Variants in ATRX observed in about 807,000 individuals in gnomAD.
The protein encoded by ATRX is chromatin remodeler ATRX.
ATRX carries 12 observed loss-of-function variants against 172.6 expected under a neutral mutation model. The observed-to-expected ratio is 0.07, with a 90% CI of 0.04 to 0.11. The LOEUF is 0.11. ATRX is among the 10% of genes least tolerant of loss of function. ATRX has a pLI of 1.00. For missense variants in ATRX, 1,368 were observed against 1,767.4 expected, an observed-to-expected ratio of 0.77 and a Z score of 4.05; for synonymous variants, 674 against 594.7, an observed-to-expected ratio of 1.13 and a Z score of -1.94.
At chrX:77,617,821 AT>A (rs1317073671) in intron 21 of ATRX, among the ~76,000 whole-genome samples, 1 of 110,752 alleles carries the variant, frequency 9.0e-6, no homozygotes, top group Non-Finnish European at 1.9e-5. Context: ...GGCTCAAGCA[AT>A]CCTCCTGCCT....
At chrX:77,643,065 T>C (rs2068733884) in intron 15 of ATRX, among the ~76,000 whole-genome samples, 1 of 112,106 alleles carries the variant, frequency 8.9e-6, no homozygotes, top group Non-Finnish European at 1.9e-5. Context: ...GTGAAGGTTT[T>C]AGTCTCAAAG....
chrX:77,747,508 A>G (rs2075130764), intron 1 of ATRX, among the ~76,000 whole-genome samples: 1 of 111,576 alleles, frequency 9.0e-6, no homozygotes, highest in African/African-American at 3.3e-5. Flanking sequence ...TGAGCTATAG[A>G]GTGAGACTGT....
intron 11 of ATRX, among the ~76,000 whole-genome samples, chrX:77,664,364 A>C (rs1243137261): frequency 9.2e-6 from 1 of 108,648 alleles, no homozygotes; most frequent in Non-Finnish European, 1.9e-5. Context: ...GGTTCAAGTG[A>C]TTCTCCTGCC....
intron 2 of ATRX, among the ~76,000 whole-genome samples, chrX:77,713,569 A>C (rs1342721024): frequency 2.7e-5 from 3 of 111,872 alleles, no homozygotes; most frequent in African/African-American, 9.8e-5. Flanking sequence ...TGAGGCTCCT[A>C]CTAGCCAAAA....
At chrX:77,655,158 A>C (rs1395213015) in intron 13 of ATRX, among the ~76,000 whole-genome samples, 1 of 111,190 alleles carries the variant, frequency 9.0e-6, no homozygotes, top group Non-Finnish European at 1.9e-5. Flanking sequence ...AGAGTGGTTT[A>C]ATGAGTAACA....
At chrX:77,552,202 G>A (rs2064566661) in intron 30 of ATRX, among the ~76,000 whole-genome samples, 1 of 110,459 alleles carries the variant, frequency 9.1e-6, no homozygotes, top group African/African-American at 3.3e-5. Context: ...GCAAAGACTT[G>A]GAACCAACCC....
chrX:77,632,101 C>T (rs1557105838), intron 19 of ATRX, among the ~76,000 whole-genome samples: 3 of 111,153 alleles, frequency 2.7e-5, no homozygotes, highest in African/African-American at 9.8e-5. Flanking sequence ...CAGGTTTGAG[C>T]GATTCTTCTG....
Position 77,504,960 on chromosome X carries a change from G to T in ATRX, c.*3391C>A. ...GAAGATGAAAGCATTTCTGAAACTT[G>T]ATCACTCCTTTGGGACTGGCTCAGA... On this transcript the variant is annotated 3_prime_UTR_variant, in exon 35 of 35. Transcript: ENST00000373344. The T allele has an allele frequency of 6.2e-6, 1 of 161,883 alleles. No homozygotes were observed. The allele number at this position is 161,883 out of a possible 1,213,427, so 13.3% of individuals were successfully genotyped here. A position where few individuals can be genotyped will look rare whatever the true frequency, so the allele number is the denominator to read the frequency against.
At chrX:77,615,081 C>G (rs1471076741) in intron 22 of ATRX, among the ~76,000 whole-genome samples, 2 of 111,445 alleles carry the variant, frequency 1.8e-5, no homozygotes, top group Non-Finnish European at 3.8e-5. Flanking sequence ...TCACTGCAGC[C>G]TTGACCTCTC....
intron 1 of ATRX, among the ~76,000 whole-genome samples, chrX:77,722,133 T>G (rs185218981): frequency 5.5e-4 from 61 of 111,671 alleles, no homozygotes; most frequent in African/African-American, 2.0e-3. Flanking sequence ...TGCAGAAAAC[T>G]GAAGCTGGAC....
At chrX:77,756,939 C>T (rs191354417) in intron 1 of ATRX, among the ~76,000 whole-genome samples, 1 of 110,268 alleles carries the variant, frequency 9.1e-6, no homozygotes, top group East Asian at 2.9e-4. Context: ...GCACACACCA[C>T]CACGCCTGGC....
rs2071221905 is a variant in ATRX, at chrX:77,681,880, C to G, written c.3376G>C (p.Asp1126His). The change falls in exon 9 of 35, where the codon GAT becomes CAT. Residue 1126 changes from aspartate (D) to histidine (H), a missense_variant. Transcript: ENST00000373344. The part of the protein sequence containing the change: ...SMKEDGCNSS[D>H]KRLKRIELRE... ...AATTCTATTCTTTTCAGTCTCTTAT[C>G]AGAAGAGTTACAACCATCTTCTTTC... 1.7e-6 allele frequency: 2 copies of G among 1,206,179 alleles called. No individual in the cohort carries two copies. The highest frequency in any genetic ancestry group is 1.8e-5 in the South Asian group (1 of 56,389).
chrX:77,655,730 T>C (rs1557119558), intron 13 of ATRX, among the ~76,000 whole-genome samples: 1 of 110,347 alleles, frequency 9.1e-6, no homozygotes, highest in Non-Finnish European at 1.9e-5. Context: ...CATCATATCT[T>C]ATCATTTTCA....
chrX:77,716,510 G>A (rs189549915), intron 2 of ATRX, among the ~76,000 whole-genome samples: 227 of 107,513 alleles, frequency 2.1e-3, no homozygotes, highest in African/African-American at 6.9e-3. Context: ...TAGCACTTCG[G>A]GAGGCCAACG....
intron 1 of ATRX, among the ~76,000 whole-genome samples, chrX:77,720,032 A>G (rs1281079449): frequency 8.9e-6 from 1 of 112,228 alleles, no homozygotes; most frequent in African/African-American, 3.2e-5. Context: ...AACTCATTCA[A>G]AACCGCACAA....
chrX:77,712,978 G>A (rs1201512641), intron 2 of ATRX, among the ~76,000 whole-genome samples: 1 of 110,491 alleles, frequency 9.1e-6, no homozygotes, highest in Non-Finnish European at 1.9e-5. Context: ...GTGAAACCCT[G>A]TCTCTACTAA....
rs2148578381 is a variant in ATRX, at chrX:77,682,021, C to A, written c.3235G>T (p.Asp1079Tyr). The change falls in exon 9 of 35, where the codon GAT (aspartate) becomes TAT (tyrosine). Residue 1079 changes from aspartate (D) to tyrosine (Y), a missense_variant. This residue lies in a region of ATRX where 843 missense variants were observed against 643.1 expected (regional missense o/e 1.31). Coordinates refer to ENST00000373344, the MANE Select transcript of ATRX (RefSeq NM_000489.6). ...TATGCTCCATTCTTACTCTTTTTAT[C>A]CTCTGAAGAGTCACAACTATCTCCT... ...GKGDSCDSSEDKKSKNGAYGR... is the reference protein window; with the variant it reads ...GKGDSCDSSEYKKSKNGAYGR... 1 of 1,210,695 alleles carries A rather than the reference C, an allele frequency of 8.3e-7. No homozygotes were observed. The highest frequency in any genetic ancestry group is 1.1e-6 in the Non-Finnish European group (1 of 894,819).
intron 1 of ATRX, among the ~76,000 whole-genome samples, chrX:77,773,093 A>T (rs1319300112): frequency 1.4e-4 from 2 of 14,592 alleles, no homozygotes; most frequent in South Asian, 2.1e-3. Context: ...AATTTCAGCT[A>T]AAAAAAAAAA....
chrX:77,753,569 G>A (rs1405928826), intron 1 of ATRX, among the ~76,000 whole-genome samples: 3 of 111,197 alleles, frequency 2.7e-5, no homozygotes, highest in Non-Finnish European at 5.7e-5. Context: ...GTTCATTTTA[G>A]ATCTTTCCTG....
Sources: gnomAD v4.1 joint callset for allele counts (sites outside exome capture counted in the v4.1 genomes callset) on GRCh38, gnomAD v4.1.1 for gene constraint, gnomAD v4.1.1 regional missense constraint, MANE v1.5 for transcripts, NCBI Gene and HGNC (gene_info 2026-07-23, HGNC 2026-07-21) for gene names.